Variants in TMEM132D observed in about 807,000 individuals in gnomAD.
TMEM132D encodes the protein transmembrane protein 132D.
Under a neutral mutation model 62.3 loss-of-function variants are expected in TMEM132D, and 21 were observed. That is an observed-to-expected ratio of 0.34 (90% CI 0.24 to 0.49). TMEM132D has a LOEUF of 0.49. TMEM132D is among the 20% of genes least tolerant of loss of function. TMEM132D has a pLI of 0.99. For synonymous variants in TMEM132D, 621 were observed against 575.6 expected (o/e 1.08, Z -1.13); for missense variants, 1,346 against 1,402.8 (o/e 0.96, Z 0.65).
At chr12:129,420,305 T>G (rs1566063043) in intron 3 of TMEM132D, among the ~76,000 whole-genome samples, 1 of 91,294 alleles carries the variant, frequency 1.1e-5, no homozygotes, top group Admixed American at 1.3e-4. Flanking sequence ...GCACGTTCTC[T>G]GTTTTTTTTT....
intron 3 of TMEM132D, among the ~76,000 whole-genome samples, chr12:129,408,052 T>C (rs1871849440): frequency 6.6e-6 from 1 of 152,096 alleles, no homozygotes; most frequent in African/African-American, 2.4e-5. Flanking sequence ...GCTGCCTGCG[T>C]CCCTCCGTCT....
At chr12:129,869,597 G>T (rs1279752363) in intron 1 of TMEM132D, among the ~76,000 whole-genome samples, 1 of 152,120 alleles carries the variant, frequency 6.6e-6, no homozygotes, top group Non-Finnish European at 1.5e-5. Flanking sequence ...TCTGAAGTTG[G>T]TTGACTCTGC....
chr12:129,476,967 C>G (rs1208425777), intron 3 of TMEM132D, among the ~76,000 whole-genome samples: 2 of 152,188 alleles, frequency 1.3e-5, no homozygotes, highest in Non-Finnish European at 2.9e-5. Flanking sequence ...TGACAACCAA[C>G]TTTTATAAAG....
chr12:129,711,955 G>C (rs1360887339), intron 1 of TMEM132D, among the ~76,000 whole-genome samples: 2 of 151,826 alleles, frequency 1.3e-5, no homozygotes, highest in Non-Finnish European at 2.9e-5. Context: ...AGGGCTTCCT[G>C]AATGTTGAGC....
At chr12:129,197,689 GAAGAA>G (rs1878586196) in intron 5 of TMEM132D, among the ~76,000 whole-genome samples, 2 of 152,240 alleles carry the variant, frequency 1.3e-5, no homozygotes, top group African/African-American at 4.8e-5. Context: ...AAAACTACTA[GAAGAA>G]AACACAGGGG....
chr12:129,746,084 A>G (rs983588402), intron 1 of TMEM132D, among the ~76,000 whole-genome samples: 3 of 152,224 alleles, frequency 2.0e-5, no homozygotes, highest in African/African-American at 4.8e-5. Context: ...TGAATGATCA[A>G]AAGCCAATGA....
At chr12:129,250,826 G>A (rs1246049772) in intron 4 of TMEM132D, among the ~76,000 whole-genome samples, 1 of 152,192 alleles carries the variant, frequency 6.6e-6, no homozygotes, top group Non-Finnish European at 1.5e-5. Flanking sequence ...TGAAGTGGGA[G>A]AATGTAGTGA....
chr12:129,605,913 C>T (rs1171835622), intron 2 of TMEM132D, among the ~76,000 whole-genome samples: 5 of 152,030 alleles, frequency 3.3e-5, no homozygotes, highest in Non-Finnish European at 5.9e-5. Flanking sequence ...CTGGCTCAGC[C>T]GCCCCATAGA....
intron 3 of TMEM132D, among the ~76,000 whole-genome samples, chr12:129,396,374 C>T (rs1283282577): frequency 6.6e-6 from 1 of 152,148 alleles, no homozygotes; most frequent in Non-Finnish European, 1.5e-5. Flanking sequence ...CACACATGCA[C>T]TACAGTCACG....
chr12:129,362,547 C>T (rs1870282521), intron 3 of TMEM132D, among the ~76,000 whole-genome samples: 2 of 151,850 alleles, frequency 1.3e-5, no homozygotes, highest in South Asian at 4.2e-4. Flanking sequence ...AACATATTCG[C>T]CTGGAAATGA....
At chr12:129,571,328 G>A (rs1877507010) in intron 2 of TMEM132D, among the ~76,000 whole-genome samples, 1 of 152,182 alleles carries the variant, frequency 6.6e-6, no homozygotes, top group African/African-American at 2.4e-5. Flanking sequence ...CACTTTGGGA[G>A]GCCGAGGCAA....
chr12:129,206,550 C>T (rs1254121807), intron 5 of TMEM132D, among the ~76,000 whole-genome samples: 1 of 152,128 alleles, frequency 6.6e-6, no homozygotes, highest in Non-Finnish European at 1.5e-5. Context: ...TTGGTGATTC[C>T]TCAAAGAGCT....
chr12:129,624,857 T>C (rs1043478763), intron 2 of TMEM132D, among the ~76,000 whole-genome samples: 1 of 152,064 alleles, frequency 6.6e-6, no homozygotes, highest in Non-Finnish European at 1.5e-5. Context: ...CTGTGCTCCA[T>C]GCAGGTCAGC....
chr12:129,397,296 G>A (rs1156750465), intron 3 of TMEM132D, among the ~76,000 whole-genome samples: 4 of 152,052 alleles, frequency 2.6e-5, no homozygotes, highest in Admixed American at 6.6e-5. Context: ...TGCTTGTCTG[G>A]GAGACTGAGT....
At chr12:129,399,692 T>G (rs1871557409) in intron 3 of TMEM132D, among the ~76,000 whole-genome samples, 1 of 151,282 alleles carries the variant, frequency 6.6e-6, no homozygotes, top group South Asian at 2.1e-4. Flanking sequence ...GAAAAAGTGG[T>G]TATAACAATT....
intron 3 of TMEM132D, among the ~76,000 whole-genome samples, chr12:129,502,063 G>A (rs563107849): frequency 4.6e-5 from 7 of 151,720 alleles, no homozygotes; most frequent in East Asian, 1.9e-4. Flanking sequence ...GCAGTGGCAC[G>A]GTCTCGACTC....
At chr12:129,452,620 TA>T (rs1873330063) in intron 3 of TMEM132D, among the ~76,000 whole-genome samples, 1 of 152,140 alleles carries the variant, frequency 6.6e-6, no homozygotes, top group African/African-American at 2.4e-5. Flanking sequence ...CATAATTTGA[TA>T]ATTGTTCTTT....
chr12:129,556,825 G>A (rs1370263346), intron 2 of TMEM132D, among the ~76,000 whole-genome samples: 1 of 152,104 alleles, frequency 6.6e-6, no homozygotes, highest in African/African-American at 2.4e-5. Context: ...CATATTAGAC[G>A]GTGAAGTTAG....
chr12:129,874,700 CTTTTTTTT>C (rs71085583), intron 1 of TMEM132D, among the ~76,000 whole-genome samples: 7 of 117,908 alleles, frequency 5.9e-5, no homozygotes, highest in Non-Finnish European at 1.0e-4. Flanking sequence ...TCACATTTTT[CTTTTTTTT>C]TTTTTTTTTT....
Sources: allele counts gnomAD v4.1 joint callset (sites outside exome capture counted in the v4.1 genomes callset), GRCh38; gene constraint gnomAD v4.1.1; transcripts MANE v1.5; gene names NCBI Gene and HGNC (gene_info 2026-07-23, HGNC 2026-07-21).